Variants in BCL9L observed in about 807,000 individuals in gnomAD.
BCL9L encodes the protein BCL9 like.
A neutral mutation model predicts 99.4 loss-of-function variants in BCL9L; 19 were observed. That is an observed-to-expected ratio of 0.19 (90% CI 0.13 to 0.28). The LOEUF (loss-of-function observed/expected upper bound fraction) is 0.28, where lower values mean the gene tolerates loss of function less well. BCL9L is among the 10% of genes least tolerant of loss of function. The pLI is 1.00. For missense variants in BCL9L, 2,023 were observed against 2,101.6 expected (o/e 0.96, Z 0.73); for synonymous variants, 900 against 854.8 (o/e 1.05, Z -0.92).
chr11:118,902,195 C>T lies in BCL9L; in HGVS notation c.1548G>A (p.Glu516=), dbSNP rs749085028. ...QRLGQDSLTP[E]QVAWRKLQEE... ...CCTGCAGCTTGCGCCAGGCCACCTG[C>T]TCAGGCGTGAGGCTGTCCTGGCCCA... Residue 516 remains glutamate (E), a synonymous_variant, in exon 8 of 10, where the codon GAG becomes GAA. Transcript: ENST00000683865. This position sits in a 1 kb window ranked among gnomAD's most constrained non-coding sequence, Gnocchi z 7.8. 1.2e-6 allele frequency: 2 copies of T among 1,614,134 alleles called. No homozygotes were observed. The highest frequency in any genetic ancestry group is 2.2e-5 in the South Asian group (2 of 91,086).
At position 118,914,506 on chromosome 11, in the gene BCL9L, G is replaced by T. The variant is rs979944508; in HGVS notation, c.-77+4320C>A. Reference sequence around the variant, plus strand: ...CAGCAGCAGCACCTGGGGGCCCCACGAGCTCTGCCCACATTGACATCCAGA... The same window carrying T: ...CAGCAGCAGCACCTGGGGGCCCCACTAGCTCTGCCCACATTGACATCCAGA... On this transcript the variant is annotated intron_variant, in intron 2 of 9. Coordinates refer to ENST00000683865, the MANE Select transcript of BCL9L (RefSeq NM_001378213.1). The surrounding 1 kb of genome is among the most constrained non-coding windows in gnomAD (Gnocchi z 4.4). Among the ~76,000 whole-genome samples the T allele has an allele frequency of 6.6e-6, 1 of 152,186 alleles. No individual in the cohort carries two copies. The highest frequency in any genetic ancestry group is 1.5e-5 in the Non-Finnish European group (1 of 68,020).
In BCL9L at chr11:118,903,274, C is replaced by T. The variant is rs372846431; in HGVS notation, c.711G>A (p.Ser237=). 42 of 1,585,726 alleles carry T rather than the reference C, an allele frequency of 2.6e-5. No individual in the cohort carries two copies. The Admixed American group carries it at 4.0e-4, about 15-fold the overall frequency. Residue 237 remains serine (S), a synonymous_variant, in exon 6 of 10, where the codon TCG becomes TCA. Transcript: ENST00000683865. The surrounding 1 kb of genome is among the most constrained non-coding windows in gnomAD (Gnocchi z 5.6). ...GGGTGGTGAAGACATATACGAACTGCGAGGGAGGCTTTCCGGGGACGCCCC... is the reference window on the plus strand; with the variant it reads ...GGGTGGTGAAGACATATACGAACTGTGAGGGAGGCTTTCCGGGGACGCCCC... ...GGGGVPGKPP[S]QFVYVFTTHL...
Position 118,898,333 on chromosome 11 carries a change from C to CCCCCCCCA in BCL9L, c.*81_*82insTGGGGGGG. On this transcript the variant is annotated 3_prime_UTR_variant, in exon 10 of 10. Transcript: ENST00000683865. ...CCTCCACCCCACCCCGCGACCCAGGCCATCCCAACATTGAGGGGAAGAACT... is the reference window on the plus strand; with the variant it reads ...CCTCCACCCCACCCCGCGACCCAGGCCCCCCCCACATCCCAACATTGAGGGGAAGAACT... 1 of 1,390,220 alleles carries CCCCCCCCA rather than the reference C, an allele frequency of 7.2e-7. No individual in the cohort carries two copies. The allele number at this position is 1,390,220 out of a possible 1,614,324, so 86.1% of individuals were successfully genotyped here. A position where few individuals can be genotyped will look rare whatever the true frequency, so the allele number is the denominator to read the frequency against.
In BCL9L at chr11:118,900,596, G is replaced by T; in HGVS notation, c.3124+23C>A. 6.3e-7 allele frequency: 1 copy of T among 1,579,254 alleles called. No individual in the cohort carries two copies. ...TCAGCGCCTGCCTGCCTGCCTGCCT[G>T]CCTGCCTGCGCAATTGACTCACCCT... On this transcript the variant is annotated intron_variant, in intron 8 of 9. Transcript: ENST00000683865. The surrounding 1 kb of genome is among the most constrained non-coding windows in gnomAD (Gnocchi z 5.3).
rs1185066745 is a variant in BCL9L at position 118,925,018 on chromosome 11, T to TC, written c.-131+219dup. The TC allele has an allele frequency of 2.0e-5, 3 of 152,388 alleles. No homozygotes were observed. The highest frequency in any genetic ancestry group is 7.2e-5 in the African/African-American group (3 of 41,440). The allele number at this position is 152,388 out of a possible 1,614,324, so 9.4% of individuals were successfully genotyped here. On this transcript the variant is annotated intron_variant, in intron 1 of 9. Coordinates refer to ENST00000683865, the MANE Select transcript of BCL9L (RefSeq NM_001378213.1). This position sits in a 1 kb window ranked among gnomAD's most constrained non-coding sequence, Gnocchi z 6.4. ...GGGTCCCCTGGCTGTCCCTAAGCCCTCCCCACGGTGTTCTGGAGCTGCCAA... is the reference window on the plus strand; with the variant it reads ...GGGTCCCCTGGCTGTCCCTAAGCCCTCCCCCACGGTGTTCTGGAGCTGCCAA...
At position 118,901,111 on chromosome 11, in the gene BCL9L, G is replaced by A. The variant is rs1430086227; in HGVS notation, c.2632C>T (p.Pro878Ser). ...DMFSPDQSSM[P>S]MSNVGTTRLS... ...CGGGTGGTGCCCACGTTGCTCATGG[G>A]CATTGAGCTCTGATCAGGGCTGAAC... The change falls in exon 8 of 10, where the codon CCC becomes TCC. Residue 878 changes from proline to serine, a missense_variant. Coordinates refer to ENST00000683865, the MANE Select transcript of BCL9L (RefSeq NM_001378213.1). This position sits in a 1 kb window ranked among gnomAD's most constrained non-coding sequence, Gnocchi z 6.6. The A allele has an allele frequency of 6.2e-7, 1 of 1,610,918 alleles. No homozygotes were observed. Among genetic ancestry groups the A allele is most frequent in the Admixed American group, 1.7e-5 (1 of 59,868 alleles).
chr11:118,908,145 G>T, intron 4 of BCL9L, 125 bp downstream of exon 4: 2 of 1,358,394 alleles, frequency 1.5e-6, no homozygotes, highest in South Asian at 1.6e-5. Flanking sequence ...TACCCATGCA[G>T]AAATACTGGA....
At chr11:118,908,757 G>C in intron 3 of BCL9L, 102 bp from the exon 4 acceptor site, 1 of 928,290 alleles carries the variant, frequency 1.1e-6, no homozygotes. Context: ...ATGGGGGAGG[G>C]TGGGGGGAAG....
Position 118,901,378 on chromosome 11 carries a change from T to C in BCL9L, c.2365A>G (p.Thr789Ala). Residue 789 changes from threonine (T) to alanine (A), a missense_variant, in exon 8 of 10, where the codon ACC (threonine) becomes GCC (alanine). By Grantham distance (58) the Thr-to-Ala change is moderately conservative. Around this residue, in one of 3 missense-constraint regions of BCL9L, gnomAD observed 1,116 missense variants for 1,194.6 expected, o/e 0.93. Coordinates refer to ENST00000683865, the MANE Select transcript of BCL9L (RefSeq NM_001378213.1). This position sits in a 1 kb window ranked among gnomAD's most constrained non-coding sequence, Gnocchi z 6.6. Reference sequence around the variant, plus strand: ...GACATCAGCATCTGCTGCTGCGGGGTCATCTGCACGTTCAGGTTCATGTTC... The same window carrying C: ...GACATCAGCATCTGCTGCTGCGGGGCCATCTGCACGTTCAGGTTCATGTTC... ...NMNMNLNVQM[T>A]PQQQMLMSQK... The C allele has an allele frequency of 6.2e-7, 1 of 1,613,736 alleles. No individual in the cohort carries two copies. Among genetic ancestry groups the C allele is most frequent in the Non-Finnish European group, 8.5e-7 (1 of 1,179,920 alleles).
chr11:118,900,962 C>T lies in BCL9L; in HGVS notation c.2781G>A (p.Pro927=), dbSNP rs370355439. Residue 927 remains proline, a synonymous_variant, in exon 8 of 10, where the codon CCG becomes CCA. Transcript: ENST00000683865. The surrounding 1 kb of genome is among the most constrained non-coding windows in gnomAD (Gnocchi z 5.3). ...LTISINQMGS[P]GMGHLKSPTL... is the part of the protein sequence containing the mutation. ...TGGGCGACTTCAAGTGCCCCATGCC[C>T]GGTGAGCCCATCTGATTAATACTGA... 45 of 1,552,692 alleles carry T rather than the reference C, an allele frequency of 2.9e-5. No homozygotes were observed. The highest frequency in any genetic ancestry group is 1.7e-4 in the Middle Eastern group (1 of 5,758).
chr11:118,907,737 G>A (rs921641890), intron 4 of BCL9L, 135 bp from the exon 5 acceptor site: 232 of 1,365,712 alleles, frequency 1.7e-4, no homozygotes, highest in Non-Finnish European at 2.1e-4. Flanking sequence ...TGGGCACTTC[G>A]CCAGCCCGTG....
Position 118,897,504 on chromosome 11 carries a change from C to A in BCL9L, c.*911G>T, listed in dbSNP as rs1939962053. ...CACATGTTCTCCCTGAATCACTCAG[C>A]AGCAGACAGGCTGCCGCCCTGGGGG... On this transcript the variant is annotated 3_prime_UTR_variant, in exon 10 of 10. Transcript: ENST00000683865. 3.0e-6 allele frequency: 1 copy of A among 334,338 alleles called. No individual in the cohort carries two copies. The highest frequency in any genetic ancestry group is 2.2e-5 in the African/African-American group (1 of 45,642). The allele number at this position is 334,338 out of a possible 1,614,324, so 20.7% of individuals were successfully genotyped here.
In BCL9L at chr11:118,902,060, C is replaced by T. The variant is rs373106202; in HGVS notation, c.1683G>A (p.Pro561=). The T allele has an allele frequency of 1.2e-4, 195 of 1,613,922 alleles. No homozygotes were observed. Among genetic ancestry groups the T allele is most frequent in the African/African-American group, 3.7e-4 (28 of 74,936 alleles). Residue 561 remains proline, a synonymous_variant, in exon 8 of 10, where the codon CCG becomes CCA. Coordinates refer to ENST00000683865, the MANE Select transcript of BCL9L (RefSeq NM_001378213.1). This position sits in a 1 kb window ranked among gnomAD's most constrained non-coding sequence, Gnocchi z 7.8. ...GMGGMMVRGP[P]PPYHSKPGDQ... is the part of the protein sequence containing the mutation. ...CCCCAGGCTTGCTGTGGTAAGGAGG[C>T]GGGGGCCCCCTCACCATCATGCCCC...
In BCL9L at chr11:118,900,119, G is replaced by T; in HGVS notation, c.3204C>A (p.Ser1068Arg). 1.9e-6 allele frequency: 3 copies of T among 1,613,804 alleles called. No homozygotes were observed. The highest frequency in any genetic ancestry group is 2.5e-6 in the Non-Finnish European group (3 of 1,179,820). Residue 1068 changes from serine to arginine, a missense_variant, in exon 9 of 10, where the codon AGC becomes AGA. Ser to Arg is a moderately radical substitution (Grantham distance 110, BLOSUM62 -1). Coordinates refer to ENST00000683865, the MANE Select transcript of BCL9L (RefSeq NM_001378213.1). This position sits in a 1 kb window ranked among gnomAD's most constrained non-coding sequence, Gnocchi z 5.3. Reference sequence around the variant, plus strand: ...GGTCTGGGGAGGAAGTGAATGGTAGGCTGGGGTTCATGAGGCCGCTGGGAG... The same window carrying T: ...GGTCTGGGGAGGAAGTGAATGGTAGTCTGGGGTTCATGAGGCCGCTGGGAG... Reference protein sequence around the residue: ...ANPPSGLMNPSLPFTSSPDPT... With the variant: ...ANPPSGLMNPRLPFTSSPDPT...
At chr11:118,916,689 C>G (rs1296840278) in intron 2 of BCL9L, among the ~76,000 whole-genome samples, 1 of 152,230 alleles carries the variant, frequency 6.6e-6, no homozygotes, top group Non-Finnish European at 1.5e-5. Context: ...AGGTGACAGA[C>G]AGGCCCATCG....
Position 118,902,626 on chromosome 11 carries a change from T to G in BCL9L, c.1117A>C (p.Ser373Arg). ...CCCAGCAGGGCAGGGCCGGGGGCAC[T>G]GCTGGGGTCTCCTCCAGGAGGCAGA... ...NPLPPGGDPSSAPGPALLGEA... is the reference protein window; with the variant it reads ...NPLPPGGDPSRAPGPALLGEA... The change falls in exon 8 of 10, where the codon AGT becomes CGT. Residue 373 changes from serine to arginine, a missense_variant. Coordinates refer to ENST00000683865, the MANE Select transcript of BCL9L (RefSeq NM_001378213.1). This position sits in a 1 kb window ranked among gnomAD's most constrained non-coding sequence, Gnocchi z 7.8. 6.3e-7 allele frequency: 1 copy of G among 1,599,660 alleles called. No individual in the cohort carries two copies. The highest frequency in any genetic ancestry group is 2.2e-5 in the East Asian group (1 of 44,828).
rs776565072 is a variant in BCL9L, at chr11:118,907,587, C to G, written c.428G>C (p.Ser143Thr). The G allele has an allele frequency of 1.9e-6, 3 of 1,613,200 alleles. No homozygotes were observed. In the African/African-American group the frequency reaches 4.0e-5, roughly 22 times the overall value. The stretch of plus-strand genomic sequence containing the variant: ...CCGCTCCAGCACACAGCGCCGCTTA[C>G]TCCGCGGCGCCACCTCTGCCCAGGC... ...DSEAKEVAPR[S>T]KRRCVLERKQ... The change falls in exon 5 of 10, where the codon AGT becomes ACT. Residue 143 changes from serine to threonine, a missense_variant. This residue lies in a region of BCL9L where 1,116 missense variants were observed against 1,194.6 expected (regional missense o/e 0.93). Transcript: ENST00000683865.
intron 4 of BCL9L, 24 bp downstream of exon 4, chr11:118,908,246 C>T: frequency 1.3e-6 from 2 of 1,532,410 alleles, no homozygotes; most frequent in South Asian, 2.6e-5. Context: ...ATGCTAGGGT[C>T]TTAGGGATGA....
At chr11:118,912,821 C>T (rs1034307578) in intron 2 of BCL9L, among the ~76,000 whole-genome samples, 2 of 152,192 alleles carry the variant, frequency 1.3e-5, no homozygotes, top group African/African-American at 4.8e-5. Flanking sequence ...GCTGCCAGGG[C>T]CCCCTGTGAT....
Sources: allele counts gnomAD v4.1 joint callset (sites outside exome capture counted in the v4.1 genomes callset), GRCh38; gene constraint gnomAD v4.1.1; regional missense constraint gnomAD v4.1.1; non-coding constraint Gnocchi (gnomAD v3.1); transcripts MANE v1.5; gene names NCBI Gene and HGNC (gene_info 2026-07-23, HGNC 2026-07-21).